The following TENM4 variants were observed in gnomAD, a reference collection of about 807,000 sequenced individuals.
The protein encoded by TENM4 is teneurin transmembrane protein 4, also known as teneurin-4.
A neutral mutation model predicts 243.3 loss-of-function variants in TENM4; 82 were observed. The observed-to-expected ratio is 0.34, with a 90% CI of 0.28 to 0.40. The LOEUF (loss-of-function observed/expected upper bound fraction) is 0.40, where lower values mean the gene tolerates loss of function less well. Ranked by LOEUF, TENM4 falls within the 10% of genes least tolerant of loss-of-function variation. The pLI is 1.00. For missense variants in TENM4, 3,138 were observed against 3,673.3 expected (o/e 0.85, Z 3.77); for synonymous variants, 1,412 against 1,456.3 (o/e 0.97, Z 0.69).
At chr11:79,433,120 T>C (rs1463796555) in intron 1 of TENM4, among the ~76,000 whole-genome samples, 2 of 152,188 alleles carry the variant, frequency 1.3e-5, no homozygotes, top group Admixed American at 1.3e-4. Flanking sequence ...TCTACAAATA[T>C]AAGCAACTCC....
intron 9 of TENM4, among the ~76,000 whole-genome samples, chr11:78,864,357 C>G (rs1227632871): frequency 7.1e-6 from 1 of 141,736 alleles, no homozygotes; most frequent in Non-Finnish European, 1.5e-5. Flanking sequence ...TGAAGTGAAC[C>G]TGGGAGGCGG....
At chr11:78,738,300 C>T (rs1855845475) in intron 20 of TENM4, 151 bp downstream of exon 20, 2 of 1,050,612 alleles carry the variant, frequency 1.9e-6, no homozygotes, top group Non-Finnish European at 1.3e-6. Flanking sequence ...CAAGGTCATA[C>T]AATTAGTAAG....
chr11:79,034,043 G>C (rs543957839), intron 6 of TENM4, among the ~76,000 whole-genome samples: 1 of 152,270 alleles, frequency 6.6e-6, no homozygotes, highest in East Asian at 1.9e-4. Flanking sequence ...TTTAGGAGCT[G>C]ATTCTCAGTT....
At chr11:79,014,711 C>T (rs1858729894) in intron 6 of TENM4, 1 of 152,186 alleles carries the variant, frequency 6.6e-6, no homozygotes, top group Admixed American at 6.5e-5. Flanking sequence ...CTTTCACTTG[C>T]CGTTTGCAAA....
At chr11:79,032,800 C>T (rs952516175) in intron 6 of TENM4, among the ~76,000 whole-genome samples, 1 of 152,168 alleles carries the variant, frequency 6.6e-6, no homozygotes, top group Admixed American at 6.5e-5. Context: ...CAAGGAAAGG[C>T]GATACTAATA....
rs750150227 is a variant in TENM4 at position 78,669,705 on chromosome 11, G to A, written c.6640C>T (p.Arg2214Cys). Residue 2214 changes from arginine to cysteine, a missense_variant, in exon 32 of 34, where the codon CGC (arginine) becomes TGC (cysteine). Arg to Cys is a radical substitution (Grantham distance 180). Around this residue, in one of 2 missense-constraint regions of TENM4, gnomAD observed 2,467 missense variants for 3,059.1 expected, o/e 0.81. Coordinates refer to ENST00000278550, the MANE Select transcript of TENM4 (RefSeq NM_001098816.3). This position sits in a 1 kb window ranked among gnomAD's most constrained non-coding sequence, Gnocchi z 6.4. ...TTCCCATTGAGGTCGTAGCTGTAGC[G>A]CCAGAGTGGCTTGTCATTGATGGAG... ...TVSINDKPLW[R>C]YSYDLNGNLH... 1.7e-5 allele frequency: 28 copies of A among 1,613,896 alleles called. No individual in the cohort carries two copies. The highest frequency in any genetic ancestry group is 1.3e-4 in the East Asian group (6 of 44,892).
At chr11:78,725,256 A>T (rs952315087) in intron 23 of TENM4, among the ~76,000 whole-genome samples, 1 of 152,200 alleles carries the variant, frequency 6.6e-6, no homozygotes, top group African/African-American at 2.4e-5. Context: ...ACAAGTCTGT[A>T]TTCTATCGTA....
intron 2 of TENM4, among the ~76,000 whole-genome samples, chr11:79,221,347 A>ATT (rs11424753): frequency 7.9e-5 from 12 of 151,524 alleles, no homozygotes; most frequent in South Asian, 4.2e-4. Flanking sequence ...TAGAATATGG[A>ATT]TTTTTTTTAA....
At chr11:79,128,177 T>G (rs748455754) in intron 4 of TENM4, among the ~76,000 whole-genome samples, 14 of 152,094 alleles carry the variant, frequency 9.2e-5, no homozygotes, top group Non-Finnish European at 1.5e-4. Flanking sequence ...CATAAGTAAA[T>G]CACAGCAGAG....
In TENM4 at chr11:79,252,295, C is replaced by T. The variant is rs531927043; in HGVS notation, c.-264-36386G>A. Among the ~76,000 whole-genome samples the T allele has an allele frequency of 1.6e-4, 24 of 152,292 alleles. No individual in the cohort carries two copies. In the South Asian group the frequency reaches 2.5e-3, roughly 16 times the overall value. Reference sequence around the variant, plus strand: ...TGTCGCCCAGGCTGGAGTGCAGTGGCGCGATCTTGGCTCACTGCAAGCTCT... The same window carrying T: ...TGTCGCCCAGGCTGGAGTGCAGTGGTGCGATCTTGGCTCACTGCAAGCTCT... On this transcript the variant is annotated intron_variant, in intron 2 of 33. Transcript: ENST00000278550.
chr11:79,226,998 C>T (rs1461669384), intron 2 of TENM4, among the ~76,000 whole-genome samples: 1 of 152,228 alleles, frequency 6.6e-6, no homozygotes, highest in Non-Finnish European at 1.5e-5. Context: ...CTGTGCTCTG[C>T]AGGGAGCTAC....
At chr11:78,674,773 G>C (rs1235552431) in intron 30 of TENM4, among the ~76,000 whole-genome samples, 1 of 152,142 alleles carries the variant, frequency 6.6e-6, no homozygotes, top group African/African-American at 2.4e-5. Flanking sequence ...GCTCTTGGCT[G>C]TTGAGGGAAC....
At position 78,814,154 on chromosome 11, in the gene TENM4, T is replaced by G. The variant is rs963569187; in HGVS notation, c.1783+140A>C. ...TGCCTGCACACCTCCCTCCAAGGGCTTCTGGAGAATGGCCCTTGGAAACCC... is the reference window on the plus strand; with the variant it reads ...TGCCTGCACACCTCCCTCCAAGGGCGTCTGGAGAATGGCCCTTGGAAACCC... On this transcript the variant is annotated intron_variant, in intron 13 of 33. Coordinates refer to ENST00000278550, the MANE Select transcript of TENM4 (RefSeq NM_001098816.3). 30 of 725,504 alleles carry G rather than the reference T, an allele frequency of 4.1e-5. No individual in the cohort carries two copies. The East Asian group carries it at 8.1e-4, about 20-fold the overall frequency. 44.9% of individuals were successfully genotyped at this position (725,504 alleles called of 1,614,324 possible).
At chr11:79,041,375 T>C (rs539010617) in intron 6 of TENM4, among the ~76,000 whole-genome samples, 46 of 152,198 alleles carry the variant, frequency 3.0e-4, no homozygotes, top group Admixed American at 2.8e-3. Context: ...CATTTGTCTC[T>C]TGAAGCCCCA....
intron 4 of TENM4, among the ~76,000 whole-genome samples, chr11:79,102,747 A>G (rs1201941842): frequency 6.6e-6 from 1 of 152,254 alleles, no homozygotes; most frequent in African/African-American, 2.4e-5. Context: ...CACATTCTGT[A>G]TCTGCACTGT....
intron 3 of TENM4, among the ~76,000 whole-genome samples, chr11:79,208,853 C>G (rs1863900234): frequency 6.6e-6 from 1 of 152,204 alleles, no homozygotes; most frequent in South Asian, 2.1e-4. Flanking sequence ...ATGTGCTTCT[C>G]ATTGCTCCTT....
At chr11:78,816,418 T>C (rs985948304) in intron 12 of TENM4, among the ~76,000 whole-genome samples, 2 of 152,242 alleles carry the variant, frequency 1.3e-5, no homozygotes, top group Non-Finnish European at 2.9e-5. Flanking sequence ...CACCCCCTCA[T>C]GGGAACACTT....
At chr11:79,192,204 C>T (rs556356406) in intron 3 of TENM4, among the ~76,000 whole-genome samples, 10 of 152,014 alleles carry the variant, frequency 6.6e-5, no homozygotes, top group Middle Eastern at 3.4e-3. Context: ...CACCTCTGCC[C>T]GGCCGCCCCT....
intron 6 of TENM4, among the ~76,000 whole-genome samples, chr11:78,977,735 A>C (rs1857695861): frequency 6.6e-6 from 1 of 152,222 alleles, no homozygotes; most frequent in African/African-American, 2.4e-5. Flanking sequence ...GAGAAAGAGG[A>C]AGGCTTTTAC....
Sources: allele counts gnomAD v4.1 joint callset (sites outside exome capture counted in the v4.1 genomes callset), GRCh38; gene constraint gnomAD v4.1.1; regional missense constraint gnomAD v4.1.1; non-coding constraint Gnocchi (gnomAD v3.1); transcripts MANE v1.5; gene names NCBI Gene and HGNC (gene_info 2026-07-23, HGNC 2026-07-21).